The following SHISA9 variants were observed in gnomAD, a reference collection of about 807,000 sequenced individuals.
SHISA9 encodes the protein shisa family member 9.
Under a neutral mutation model 38.0 loss-of-function variants are expected in SHISA9, and 13 were observed. The ratio of observed to expected loss-of-function variants is 0.34; its 90% CI spans 0.22 to 0.54. SHISA9 has a LOEUF of 0.54. Among genes scored for constraint, SHISA9 ranks in the 20% least tolerant of loss-of-function variants. The pLI, the probability that SHISA9 is intolerant of heterozygous loss-of-function variation, is 0.91. For missense variants in SHISA9, 538 were observed against 575.8 expected (o/e 0.93, Z 0.67); for synonymous variants, 275 against 242.0 (o/e 1.14, Z -1.27).
At chr16:13,017,073 G>T (rs1440781442) in intron 2 of SHISA9, among the ~76,000 whole-genome samples, 38 of 150,696 alleles carry the variant, frequency 2.5e-4, no homozygotes, top group African/African-American at 9.3e-4. Context: ...AGGCTGGAGT[G>T]CAGTGGCCTG....
chr16:12,944,004 C>A (rs577771684), intron 2 of SHISA9, among the ~76,000 whole-genome samples: 145 of 152,232 alleles, frequency 9.5e-4, no homozygotes, highest in African/African-American at 3.3e-3. Flanking sequence ...TGTTGTGGGG[C>A]TGCTGGTGCA....
the SHISA9 span, among the ~76,000 whole-genome samples, chr16:13,362,675 T>TA: frequency 6.6e-6 from 1 of 152,214 alleles, no homozygotes; most frequent in Non-Finnish European, 1.5e-5. Flanking sequence ...ATCTTGTCCC[T>TA]AAGCCTTATC....
chr16:13,387,687 A>G, the SHISA9 span, among the ~76,000 whole-genome samples: 4 of 151,998 alleles, frequency 2.6e-5, no homozygotes, highest in Admixed American at 1.3e-4. Context: ...ACAATGTTTC[A>G]CCATGTTGGC....
chr16:13,494,329 A>G, the SHISA9 span, among the ~76,000 whole-genome samples: 15 of 152,246 alleles, frequency 9.9e-5, no homozygotes, highest in Non-Finnish European at 2.1e-4. Flanking sequence ...TGAGGATGCA[A>G]CAGGATACAG....
At chr16:12,973,132 C>T (rs886722855) in intron 2 of SHISA9, among the ~76,000 whole-genome samples, 2 of 152,120 alleles carry the variant, frequency 1.3e-5, no homozygotes, top group Non-Finnish European at 2.9e-5. Flanking sequence ...CCGCTCCCCC[C>T]ACACAAAAAA....
chr16:13,029,671 T>C (rs1284055778), intron 2 of SHISA9, among the ~76,000 whole-genome samples: 3 of 152,190 alleles, frequency 2.0e-5, no homozygotes, highest in Admixed American at 2.0e-4. Context: ...CTAGAGATCA[T>C]TACATTAAGT....
At chr16:13,483,345 A>G in the SHISA9 span, among the ~76,000 whole-genome samples, 2 of 152,170 alleles carry the variant, frequency 1.3e-5, no homozygotes, top group South Asian at 4.1e-4. Context: ...GTCAGAGTGG[A>G]TCCGAACACT....
chr16:13,506,171 G>A, the SHISA9 span, among the ~76,000 whole-genome samples: 4 of 152,174 alleles, frequency 2.6e-5, no homozygotes, highest in Non-Finnish European at 5.9e-5. Flanking sequence ...AATCTCCCTG[G>A]TAAATGAGGG....
At chr16:12,923,130 G>A (rs1161557444) in intron 2 of SHISA9, among the ~76,000 whole-genome samples, 1 of 152,174 alleles carries the variant, frequency 6.6e-6, no homozygotes, top group Non-Finnish European at 1.5e-5. Context: ...AAAAGCCCAT[G>A]GAAGATACTC....
chr16:13,180,426 C>T lies in SHISA9; in HGVS notation c.692-22968C>T, dbSNP rs74012300. On this transcript the variant is annotated intron_variant, in intron 2 of 4. Transcript: ENST00000558583. ...AAAAGATAAACTGATCAGCCAGGCA[C>T]CGTGGCTCACACCGCAATCCCAGCA... is the stretch of plus-strand genomic sequence containing the variant. Among the ~76,000 whole-genome samples the T allele has an allele frequency of 6.7e-3, 1,016 of 152,276 alleles. 15 individuals carry two copies. The highest frequency in any genetic ancestry group is 0.023 in the African/African-American group (959 of 41,542).
At chr16:13,479,863 GGGTTCCATTTCCT>G in the SHISA9 span, among the ~76,000 whole-genome samples, 38 of 152,272 alleles carry the variant, frequency 2.5e-4, no homozygotes, top group African/African-American at 8.4e-4. Flanking sequence ...AACAGTGGTG[GGGTTCCATTTCCT>G]GGTTCCATTT....
chr16:13,268,470 T>A, the SHISA9 span, among the ~76,000 whole-genome samples: 1 of 152,066 alleles, frequency 6.6e-6, no homozygotes, highest in African/African-American at 2.4e-5. Context: ...GATCGTGCCA[T>A]TGCACTCCAT....
chr16:13,373,369 G>A, the SHISA9 span, among the ~76,000 whole-genome samples: 1,477 of 152,226 alleles, frequency 9.7e-3, 12 homozygotes, highest in Middle Eastern at 0.034. Flanking sequence ...CCCAAATCTT[G>A]TCTCTTACCT....
At chr16:13,279,256 G>A in the SHISA9 span, among the ~76,000 whole-genome samples, 9 of 151,820 alleles carry the variant, frequency 5.9e-5, no homozygotes, top group South Asian at 2.1e-4. Flanking sequence ...CTGAGAGAGC[G>A]CTTGACATAA....
chr16:13,289,865 T>G, the SHISA9 span, among the ~76,000 whole-genome samples: 1 of 152,222 alleles, frequency 6.6e-6, no homozygotes, highest in Non-Finnish European at 1.5e-5. Context: ...CTAAGCTAGT[T>G]TGAATTGTGT....
the SHISA9 span, among the ~76,000 whole-genome samples, chr16:13,557,575 T>C: frequency 6.6e-6 from 1 of 152,162 alleles, no homozygotes; most frequent in East Asian, 1.9e-4. Flanking sequence ...GTTTCCCTGA[T>C]GGGAGCAGAA....
chr16:13,413,693 G>T, the SHISA9 span, among the ~76,000 whole-genome samples: 1 of 140,762 alleles, frequency 7.1e-6, no homozygotes, highest in African/African-American at 2.6e-5. Context: ...GAAGGCGAAG[G>T]TTTGCGGTGA....
chr16:13,060,735 C>G (rs1310785186), intron 2 of SHISA9, among the ~76,000 whole-genome samples: 1 of 151,734 alleles, frequency 6.6e-6, no homozygotes, highest in African/African-American at 2.4e-5. Flanking sequence ...AGAAGAGCCA[C>G]GAGCCTCTGG....
At chr16:13,465,969 C>T in the SHISA9 span, among the ~76,000 whole-genome samples, 2 of 152,206 alleles carry the variant, frequency 1.3e-5, no homozygotes, top group Non-Finnish European at 2.9e-5. Context: ...CCTGAAAGGC[C>T]CACATGATTT....
Sources: gnomAD v4.1 joint callset for allele counts (sites outside exome capture counted in the v4.1 genomes callset) on GRCh38, gnomAD v4.1.1 for gene constraint, MANE v1.5 for transcripts, NCBI Gene and HGNC (gene_info 2026-07-23, HGNC 2026-07-21) for gene names.